The following CFAP47 variants were observed in gnomAD, a reference collection of about 807,000 sequenced individuals.
CFAP47 encodes cilia and flagella associated protein 47.
CFAP47 carries 29 observed loss-of-function variants against 148.1 expected under a neutral mutation model. The observed-to-expected ratio is 0.20, with a 90% confidence interval of 0.15 to 0.27. CFAP47 has a LOEUF of 0.27. Ranked by LOEUF, CFAP47 falls within the 10% of genes least tolerant of loss-of-function variation. The pLI is 1.00. For synonymous variants in CFAP47, 664 were observed against 577.3 expected (o/e 1.15, Z -2.15); for missense variants, 1,872 against 1,697.5 (o/e 1.10, Z -1.81).
Position 36,348,251 on chromosome X carries a change from A to C in CFAP47, c.8566A>C (p.Ile2856Leu). Residue 2856 changes from isoleucine to leucine, a missense_variant, in exon 58 of 64, where the codon ATT becomes CTT. By Grantham distance (5) the Ile-to-Leu change is conservative. Coordinates refer to ENST00000378653, the MANE Select transcript of CFAP47 (RefSeq NM_001304548.2). ...MTKANGKYWP[I>L]DNFDELDIKF... The stretch of plus-strand genomic sequence containing the variant: ...GAAAGCAAATGGAAAATATTGGCCT[A>C]TTGACAATTTTGATGAGTTGGATAT... 1 of 1,040,764 alleles carries C rather than the reference A, an allele frequency of 9.6e-7. No individual in the cohort carries two copies. 85.8% of individuals were successfully genotyped at this position (1,040,764 alleles called of 1,213,427 possible).
chrX:36,131,994 A>G (rs138652495), intron 33 of CFAP47, among the ~76,000 whole-genome samples: 1,776 of 110,559 alleles, frequency 0.016, 31 homozygotes, highest in African/African-American at 0.056. Flanking sequence ...GAATTGCATG[A>G]AATTTGTGTT....
intron 59 of CFAP47, among the ~76,000 whole-genome samples, chrX:36,351,970 C>T (rs1280026052): frequency 9.0e-6 from 1 of 111,517 alleles, no homozygotes; most frequent in Admixed American, 9.6e-5. Flanking sequence ...TAATTCTTTT[C>T]TTTTTTATGT....
intron 10 of CFAP47, among the ~76,000 whole-genome samples, chrX:35,970,169 AT>A (rs368164359): frequency 0.022 from 2,414 of 107,917 alleles, 77 homozygotes; most frequent in African/African-American, 0.078. Context: ...ATACTTGCAC[AT>A]TTTTTTTAAT....
chrX:36,151,249 A>G (rs930489799), intron 37 of CFAP47, among the ~76,000 whole-genome samples: 1 of 112,310 alleles, frequency 8.9e-6, no homozygotes, highest in Non-Finnish European at 1.9e-5. Flanking sequence ...TAAACAGGAT[A>G]ACAAAAATCA....
chrX:36,070,337 G>T (rs1937724766), intron 27 of CFAP47, among the ~76,000 whole-genome samples: 1 of 110,762 alleles, frequency 9.0e-6, no homozygotes, highest in Non-Finnish European at 1.9e-5. Flanking sequence ...TTTCAAATCA[G>T]ATTTTTCTAA....
chrX:36,096,049 T>A (rs936895122), intron 30 of CFAP47, among the ~76,000 whole-genome samples: 1 of 111,283 alleles, frequency 9.0e-6, no homozygotes, highest in African/African-American at 3.3e-5. Context: ...TGATAAGTTG[T>A]GTTTCCAATA....
chrX:35,996,937 G>A (rs1351889165), intron 18 of CFAP47, among the ~76,000 whole-genome samples: 1 of 111,284 alleles, frequency 9.0e-6, no homozygotes, highest in Non-Finnish European at 1.9e-5. Context: ...TCTTTCTAGG[G>A]GAAGATATAT....
intron 2 of CFAP47, among the ~76,000 whole-genome samples, chrX:35,937,694 G>A (rs6418683): frequency 0.19 from 20,448 of 109,825 alleles, 1,589 homozygotes; most frequent in African/African-American, 0.28. Context: ...CTCAGTGAAT[G>A]TTTTGTGAAT....
At position 36,066,976 on chromosome X, in the gene CFAP47, A is replaced by G. The variant is rs182381859; in HGVS notation, c.4318+1233A>G. 4.5e-5 allele frequency among the ~76,000 whole-genome samples: 5 copies of G among 112,266 alleles called. No individual in the cohort carries two copies. The East Asian group carries it at 1.4e-3, about 32-fold the overall frequency. ...AGAAGAATTTATCCATTATGCTGCC[A>G]TAACTAAACTACTGAGCACAGCTAA... is the stretch of plus-strand genomic sequence containing the variant. On this transcript the variant is annotated intron_variant, in intron 27 of 63. Transcript: ENST00000378653.
At chrX:36,103,430 C>G (rs1055654922) in intron 32 of CFAP47, among the ~76,000 whole-genome samples, 1 of 91,712 alleles carries the variant, frequency 1.1e-5, no homozygotes, top group East Asian at 3.9e-4. Flanking sequence ...GGTAAGGGGC[C>G]GTTGCTGGGG....
chrX:36,256,163 G>A (rs1940749207), intron 49 of CFAP47, among the ~76,000 whole-genome samples: 1 of 111,931 alleles, frequency 8.9e-6, no homozygotes, highest in Non-Finnish European at 1.9e-5. Flanking sequence ...CAGAGTAATG[G>A]CCTGTTACTT....
In CFAP47 at chrX:36,350,021, T is replaced by C; in HGVS notation, c.8604-17T>C. ...TTTCTCCTTTTGTTCCCTCTTAATA[T>C]TTTAATTTCTAATTAGTATTGTGGG... On this transcript the variant is annotated splice_polypyrimidine_tract_variant and intron_variant, in intron 58 of 63. Transcript: ENST00000378653. 1 of 1,026,049 alleles carries C rather than the reference T, an allele frequency of 9.7e-7. No individual in the cohort carries two copies. Among genetic ancestry groups the C allele is most frequent in the East Asian group, 3.3e-5 (1 of 30,012 alleles). 84.6% of individuals were successfully genotyped at this position (1,026,049 alleles called of 1,213,427 possible). A position where few individuals can be genotyped will look rare whatever the true frequency, so the allele number is the denominator to read the frequency against.
intron 24 of CFAP47, among the ~76,000 whole-genome samples, chrX:36,037,185 T>C (rs989029601): frequency 6.2e-5 from 7 of 112,215 alleles, no homozygotes; most frequent in African/African-American, 2.3e-4. Flanking sequence ...TTCTCCTTTA[T>C]GTGCCTGTCG....
At position 36,301,133 on chromosome X, in the gene CFAP47, T is replaced by C. The variant is rs782404285; in HGVS notation, c.7924T>C (p.Leu2642=). 15 of 1,158,367 alleles carry C rather than the reference T, an allele frequency of 1.3e-5. No individual in the cohort carries two copies. The East Asian group carries it at 3.3e-4, about 25-fold the overall frequency. Residue 2642 remains leucine (L), a synonymous_variant, in exon 53 of 64, where the codon TTA becomes CTA. Coordinates refer to ENST00000378653, the MANE Select transcript of CFAP47 (RefSeq NM_001304548.2). ...FWYLLKLTIE[L]PKPTTMPEIQ... ...GTATTTACTGAAGTTAACTATTGAA[T>C]TACCAAAACCAACCACAATGCCAGA... is the stretch of plus-strand genomic sequence containing the variant.
At position 36,046,900 on chromosome X, in the gene CFAP47, G is replaced by T; in HGVS notation, c.4054G>T (p.Gly1352Cys). 1 of 1,164,175 alleles carries T rather than the reference G, an allele frequency of 8.6e-7. No homozygotes were observed. Among genetic ancestry groups the T allele is most frequent in the South Asian group, 1.9e-5 (1 of 52,482 alleles). ...VQIPTVRLLD[G>C]EEIHPLSVKF... Reference sequence around the variant, plus strand: ...GATTCCCACAGTAAGGCTTCTTGATGGTGAAGAGATTCACCCTCTTTCTGT... The same window carrying T: ...GATTCCCACAGTAAGGCTTCTTGATTGTGAAGAGATTCACCCTCTTTCTGT... The change falls in exon 26 of 64, where the codon GGT becomes TGT. Residue 1352 changes from glycine (G) to cysteine (C), a missense_variant. By Grantham distance (159) the Gly-to-Cys change is radical. Transcript: ENST00000378653.
intron 21 of CFAP47, among the ~76,000 whole-genome samples, chrX:36,009,718 A>G (rs947589057): frequency 4.5e-5 from 5 of 112,174 alleles, no homozygotes; most frequent in African/African-American, 1.6e-4. Context: ...AGTTAAAGTT[A>G]AATAAAAATA....
intron 22 of CFAP47, among the ~76,000 whole-genome samples, chrX:36,024,643 T>C (rs1426857688): frequency 9.0e-6 from 1 of 111,597 alleles, no homozygotes; most frequent in African/African-American, 3.3e-5. Context: ...GTGATTCACT[T>C]CTGGCTAGGG....
chrX:36,099,652 A>G, intron 31 of CFAP47, 99 bp from the exon 32 acceptor site: 1 of 417,667 alleles, frequency 2.4e-6, no homozygotes, highest in Non-Finnish European at 4.3e-6. Flanking sequence ...GCTCTTGATT[A>G]AAGTATAGAA....
chrX:36,095,927 C>T (rs948094262), intron 30 of CFAP47, among the ~76,000 whole-genome samples: 1 of 110,989 alleles, frequency 9.0e-6, no homozygotes, highest in African/African-American at 3.3e-5. Context: ...TTTTCTCTTT[C>T]CTTAAGATGG....
Sources: allele counts gnomAD v4.1 joint callset (sites outside exome capture counted in the v4.1 genomes callset), GRCh38; gene constraint gnomAD v4.1.1; transcripts MANE v1.5; gene names NCBI Gene and HGNC (gene_info 2026-07-23, HGNC 2026-07-21).